The following PTPRG variants were observed in gnomAD, a reference collection of about 807,000 sequenced individuals.
The protein encoded by PTPRG is protein tyrosine phosphatase receptor type G, also known as receptor-type tyrosine-protein phosphatase gamma.
A neutral mutation model predicts 165.3 loss-of-function variants in PTPRG; 102 were observed. That is an observed-to-expected ratio of 0.62 (90% confidence interval 0.53 to 0.73). The LOEUF (loss-of-function observed/expected upper bound fraction) is 0.73. Ranked by LOEUF, PTPRG falls within the 30% of genes least tolerant of loss-of-function variation. PTPRG has a pLI of 0.00. For missense variants in PTPRG, 1,866 were observed against 1,861.4 expected (o/e 1.00, Z -0.05); for synonymous variants, 675 against 669.5 (o/e 1.01, Z -0.13).
intron 2 of PTPRG, among the ~76,000 whole-genome samples, chr3:61,955,195 C>T (rs1002481923): frequency 6.6e-6 from 1 of 152,172 alleles, no homozygotes; most frequent in Non-Finnish European, 1.5e-5. Context: ...CTGCTTCAGT[C>T]TTTTTCAGAC....
intron 6 of PTPRG, among the ~76,000 whole-genome samples, chr3:62,147,818 G>A (rs17066205): frequency 0.066 from 10,034 of 152,212 alleles, 348 homozygotes; most frequent in Middle Eastern, 0.085. Flanking sequence ...GTGGCAGACA[G>A]TAAACAAAGG....
At chr3:62,062,640 G>C (rs1388311335) in intron 4 of PTPRG, among the ~76,000 whole-genome samples, 1 of 151,610 alleles carries the variant, frequency 6.6e-6, no homozygotes, top group Non-Finnish European at 1.5e-5. Flanking sequence ...TGAGTAAGAA[G>C]ATAATGTTGA....
chr3:62,093,829 C>G (rs1702023340), intron 5 of PTPRG, among the ~76,000 whole-genome samples: 1 of 152,164 alleles, frequency 6.6e-6, no homozygotes, highest in African/African-American at 2.4e-5. Context: ...CCTATCCTTA[C>G]CTTGGGGAGA....
intron 2 of PTPRG, among the ~76,000 whole-genome samples, chr3:61,977,815 G>T (rs9985369): frequency 0.46 from 70,174 of 151,950 alleles, 16,998 homozygotes; most frequent in African/African-American, 0.63. Flanking sequence ...CATGTAAAAA[G>T]GAATCTGTGT....
At chr3:62,122,750 A>C (rs1703123568) in intron 5 of PTPRG, among the ~76,000 whole-genome samples, 1 of 152,138 alleles carries the variant, frequency 6.6e-6, no homozygotes, top group African/African-American at 2.4e-5. Context: ...TGGAACTTGG[A>C]TTTTAAACAA....
intron 2 of PTPRG, among the ~76,000 whole-genome samples, chr3:61,828,558 C>T (rs2107283077): frequency 1.3e-5 from 2 of 152,316 alleles, no homozygotes; most frequent in Admixed American, 1.3e-4. Flanking sequence ...AATGCATGGA[C>T]TTGTAACCAA....
chr3:62,100,982 G>A (rs1252951786), intron 5 of PTPRG, among the ~76,000 whole-genome samples: 3 of 152,064 alleles, frequency 2.0e-5, no homozygotes, highest in Non-Finnish European at 4.4e-5. Flanking sequence ...ATGATAAAGT[G>A]GCATCCAAAA....
At chr3:61,691,321 C>T (rs867325210) in intron 1 of PTPRG, among the ~76,000 whole-genome samples, 2 of 152,120 alleles carry the variant, frequency 1.3e-5, no homozygotes, top group Middle Eastern at 3.2e-3. Flanking sequence ...ACAAGAGGAT[C>T]GCTTAAGCCC....
In PTPRG at chr3:61,584,349, T is replaced by C. The variant is rs544826192; in HGVS notation, c.85+21977T>C. ...CATGTATTTTGTCCACACCTAATCC[T>C]TTCTGTCATGTTTTAACTACTCCTT... On this transcript the variant is annotated intron_variant, in intron 1 of 29. Transcript: ENST00000474889. Among the ~76,000 whole-genome samples the C allele has an allele frequency of 2.3e-4, 35 of 152,338 alleles. No homozygotes were observed. The East Asian group carries it at 6.6e-3, about 29-fold the overall frequency.
At chr3:62,064,962 G>C (rs565528479) in intron 4 of PTPRG, among the ~76,000 whole-genome samples, 2 of 151,954 alleles carry the variant, frequency 1.3e-5, no homozygotes, top group Admixed American at 1.3e-4. Flanking sequence ...TTGATTTCCT[G>C]ACCTCCTGAT....
chr3:62,155,772 A>C (rs1704514389), intron 6 of PTPRG, among the ~76,000 whole-genome samples: 1 of 152,158 alleles, frequency 6.6e-6, no homozygotes, highest in Admixed American at 6.5e-5. Flanking sequence ...AGTTGCCCAA[A>C]TTTCTGTACT....
chr3:61,856,585 TTTTGATTCATTTTCTGC>T (rs2037112567), intron 2 of PTPRG, among the ~76,000 whole-genome samples: 1 of 152,184 alleles, frequency 6.6e-6, no homozygotes, highest in Admixed American at 6.5e-5. Context: ...TATTCCCGTA[TTTTGATTCATTTTCTGC>T]ACTGTTTATA....
At chr3:61,759,621 C>G (rs1263540669) in intron 2 of PTPRG, among the ~76,000 whole-genome samples, 1 of 152,036 alleles carries the variant, frequency 6.6e-6, no homozygotes, top group African/African-American at 2.4e-5. Flanking sequence ...CCACTGCATT[C>G]CCAGCCTGCG....
intron 1 of PTPRG, among the ~76,000 whole-genome samples, chr3:61,722,175 C>G (rs2032074986): frequency 6.6e-6 from 1 of 151,880 alleles, no homozygotes; most frequent in African/African-American, 2.4e-5. Flanking sequence ...CTTGCTCTGT[C>G]CTTCCATAGC....
intron 2 of PTPRG, among the ~76,000 whole-genome samples, chr3:61,943,508 G>A (rs2039683562): frequency 6.6e-6 from 1 of 152,168 alleles, no homozygotes; most frequent in South Asian, 2.1e-4. Context: ...AACCCAGGAG[G>A]CAGAGGTTTC....
At chr3:61,963,920 A>G (rs1192603966) in intron 2 of PTPRG, among the ~76,000 whole-genome samples, 1 of 152,122 alleles carries the variant, frequency 6.6e-6, no homozygotes, top group African/African-American at 2.4e-5. Context: ...AGAATTTGGT[A>G]GAAATTTTGG....
chr3:62,265,896 T>TATATACACACACACACACACACACACAC lies in PTPRG; in HGVS notation c.2657-1513_2657-1512insTATACACACACACACACACACACACACA, dbSNP rs1553662684. Among the ~76,000 whole-genome samples, 231 of 130,598 alleles carry TATATACACACACACACACACACACACAC rather than the reference T, an allele frequency of 1.8e-3. 3 individuals are homozygous for TATATACACACACACACACACACACACAC. The highest frequency in any genetic ancestry group is 5.5e-3 in the African/African-American group (189 of 34,430). 85.7% of individuals were successfully genotyped at this position (130,598 alleles called of 152,430 possible). A position where few individuals can be genotyped will look rare whatever the true frequency, so the allele number is the denominator to read the frequency against. Reference sequence around the variant, plus strand: ...CACACGTATACATCTGTGCCTTATATACACACACACACACACACACACACA... The same window carrying TATATACACACACACACACACACACACAC: ...CACACGTATACATCTGTGCCTTATATATATACACACACACACACACACACACACACACACACACACACACACACACACA... On this transcript the variant is annotated intron_variant, in intron 17 of 29. Coordinates refer to ENST00000474889, the MANE Select transcript of PTPRG (RefSeq NM_002841.4).
intron 2 of PTPRG, among the ~76,000 whole-genome samples, chr3:61,906,099 T>C (rs1260054812): frequency 6.6e-6 from 1 of 152,078 alleles, no homozygotes; most frequent in Admixed American, 6.6e-5. Context: ...TTCCTTTTTT[T>C]GCTGTGGAGA....
At chr3:62,106,380 C>A (rs1365342287) in intron 5 of PTPRG, among the ~76,000 whole-genome samples, 3 of 152,144 alleles carry the variant, frequency 2.0e-5, no homozygotes, top group Non-Finnish European at 4.4e-5. Context: ...AAAGTGAGAT[C>A]AGAGTGCGGG....
Sources: allele counts gnomAD v4.1 joint callset (sites outside exome capture counted in the v4.1 genomes callset), GRCh38; gene constraint gnomAD v4.1.1; transcripts MANE v1.5; gene names NCBI Gene and HGNC (gene_info 2026-07-23, HGNC 2026-07-21).